STX8: variants seen among roughly 807,000 people sequenced by gnomAD.
The protein encoded by STX8 is syntaxin 8, also known as syntaxin-8.
In STX8, 23 loss-of-function variants were observed where a neutral mutation model predicts 37.5. That is an observed-to-expected ratio of 0.61 (90% CI 0.44 to 0.87). STX8 has a LOEUF of 0.87. Ranked by LOEUF, STX8 falls within the 40% of genes least tolerant of loss-of-function variation. The pLI, the probability that STX8 is intolerant of heterozygous loss-of-function variation, is 0.00. For missense variants in STX8, 313 were observed against 284.7 expected (o/e 1.10, Z -0.71); for synonymous variants, 115 against 99.1 (o/e 1.16, Z -0.95).
chr17:9,461,972 G>A (rs1371966675), intron 6 of STX8, among the ~76,000 whole-genome samples: 3 of 152,086 alleles, frequency 2.0e-5, no homozygotes, highest in Admixed American at 6.5e-5. Context: ...ATCTAACGCT[G>A]CCGCTCATCT....
chr17:9,271,748 C>CAAAA (rs71135959), intron 7 of STX8, among the ~76,000 whole-genome samples: 130 of 62,116 alleles, frequency 2.1e-3, no homozygotes, highest in Middle Eastern at 9.6e-3. Context: ...GACTCCATCT[C>CAAAA]AAAAAAAAAA....
At chr17:9,473,063 A>G (rs1469241263) in intron 6 of STX8, among the ~76,000 whole-genome samples, 1 of 147,010 alleles carries the variant, frequency 6.8e-6, no homozygotes, top group Non-Finnish European at 1.5e-5. Flanking sequence ...TTTTTTTGAG[A>G]TGGAGTTTTG....
intron 4 of STX8, among the ~76,000 whole-genome samples, chr17:9,536,283 C>G (rs188507226): frequency 1.3e-5 from 2 of 152,244 alleles, no homozygotes; most frequent in Admixed American, 1.3e-4. Context: ...CGAGAGGAGT[C>G]ACTCGGAAGG....
At chr17:9,542,056 C>T (rs1390403452) in intron 4 of STX8, among the ~76,000 whole-genome samples, 2 of 151,354 alleles carry the variant, frequency 1.3e-5, no homozygotes, top group Non-Finnish European at 2.9e-5. Flanking sequence ...CAAAGTGCCA[C>T]GATTAAGAAT....
At chr17:9,572,764 C>T (rs537136030) in intron 1 of STX8, among the ~76,000 whole-genome samples, 1 of 152,074 alleles carries the variant, frequency 6.6e-6, no homozygotes, top group Non-Finnish European at 1.5e-5. Context: ...TAATCAGCGA[C>T]CCATTTTGTG....
chr17:9,374,591 A>C (rs1235980588), intron 7 of STX8, among the ~76,000 whole-genome samples: 1 of 152,176 alleles, frequency 6.6e-6, no homozygotes, highest in Non-Finnish European at 1.5e-5. Context: ...AAAAACTAGC[A>C]CTGCATGTCA....
At chr17:9,385,625 C>T (rs1006141726) in intron 6 of STX8, among the ~76,000 whole-genome samples, 1 of 152,210 alleles carries the variant, frequency 6.6e-6, no homozygotes. Context: ...CTGCTTCACA[C>T]TCACTACAGT....
chr17:9,270,566 C>G (rs1567761876), intron 7 of STX8, among the ~76,000 whole-genome samples: 1 of 152,094 alleles, frequency 6.6e-6, no homozygotes, highest in Non-Finnish European at 1.5e-5. Context: ...AAAGGACTTT[C>G]TTACTTGATG....
At chr17:9,259,109 A>C (rs892499122) in intron 7 of STX8, among the ~76,000 whole-genome samples, 3 of 152,238 alleles carry the variant, frequency 2.0e-5, no homozygotes, top group Admixed American at 2.0e-4. Context: ...ACAGTCAAGA[A>C]GACCTGACTT....
At chr17:9,546,126 C>G (rs79833269) in intron 3 of STX8, among the ~76,000 whole-genome samples, 5,758 of 152,210 alleles carry the variant, frequency 0.038, 382 homozygotes, top group African/African-American at 0.13. Context: ...CTTTATGCAA[C>G]AGATTTGCTC....
At chr17:9,536,111 A>G (rs1906041164) in intron 4 of STX8, among the ~76,000 whole-genome samples, 1 of 152,230 alleles carries the variant, frequency 6.6e-6, no homozygotes. Flanking sequence ...TATGTTGAGG[A>G]GAAGGAGACA....
intron 6 of STX8, among the ~76,000 whole-genome samples, chr17:9,454,570 C>T (rs1284456213): frequency 2.6e-5 from 4 of 151,762 alleles, no homozygotes; most frequent in Admixed American, 6.6e-5. Flanking sequence ...GTCCCAGCTA[C>T]TCGGGAGGCT....
chr17:9,556,750 A>AATATATATAT lies in STX8; in HGVS notation c.212+674_212+683dup, dbSNP rs575240217. 2.5e-4 allele frequency: 25 copies of AATATATATAT among 99,524 alleles called. 1 individual carries two copies. Among genetic ancestry groups the AATATATATAT allele is most frequent in the African/African-American group, 1.0e-3 (24 of 23,280 alleles). 6.2% of individuals were successfully genotyped at this position (99,524 alleles called of 1,614,324 possible). On this transcript the variant is annotated intron_variant, in intron 3 of 7. Coordinates refer to ENST00000306357, the MANE Select transcript of STX8 (RefSeq NM_004853.3). ...CCTGGCCCAGATTATGAATTTCTAA[A>AATATATATAT]ATATATATATATATATATATATATA... is the stretch of plus-strand genomic sequence containing the variant.
chr17:9,406,065 T>C (rs999145614), intron 6 of STX8, among the ~76,000 whole-genome samples: 6 of 152,144 alleles, frequency 3.9e-5, no homozygotes, highest in African/African-American at 1.2e-4. Context: ...CCTGCTGGCA[T>C]AGCTGCAGTG....
intron 6 of STX8, among the ~76,000 whole-genome samples, chr17:9,479,967 G>A (rs941305396): frequency 9.9e-5 from 15 of 152,156 alleles, no homozygotes; most frequent in African/African-American, 3.6e-4. Flanking sequence ...CCTTCCCTCT[G>A]TTTGCAAGGG....
chr17:9,418,908 CCCT>C (rs1231836990), intron 6 of STX8, among the ~76,000 whole-genome samples: 60 of 148,258 alleles, frequency 4.0e-4, no homozygotes, highest in African/African-American at 1.5e-3. Flanking sequence ...CCACACCCCC[CCCT>C]CTTTTTTTTT....
chr17:9,320,095 A>G (rs1406083831), intron 7 of STX8, among the ~76,000 whole-genome samples: 4 of 146,622 alleles, frequency 2.7e-5, no homozygotes, highest in East Asian at 2.1e-4. Flanking sequence ...AGCACTTTGG[A>G]AGGCCGAGGT....
At chr17:9,271,457 A>G (rs1907455770) in intron 7 of STX8, among the ~76,000 whole-genome samples, 1 of 151,990 alleles carries the variant, frequency 6.6e-6, no homozygotes, top group African/African-American at 2.4e-5. Context: ...TGTCTCAAAA[A>G]AGAAAGAAAT....
chr17:9,348,782 A>C (rs777950869), intron 7 of STX8, among the ~76,000 whole-genome samples: 14 of 152,190 alleles, frequency 9.2e-5, no homozygotes, highest in Non-Finnish European at 1.6e-4. Flanking sequence ...TTTCCAGCTG[A>C]GGGAGCTTAT....
Sources: gnomAD v4.1 joint callset for allele counts (sites outside exome capture counted in the v4.1 genomes callset) on GRCh38, gnomAD v4.1.1 for gene constraint, MANE v1.5 for transcripts, NCBI Gene and HGNC (gene_info 2026-07-23, HGNC 2026-07-21) for gene names.